ANKRD30A: variants seen among roughly 807,000 people sequenced by gnomAD.
ANKRD30A encodes the protein ankyrin repeat domain-containing protein 30A.
Under a neutral mutation model 166.3 loss-of-function variants are expected in ANKRD30A, and 170 were observed. The ratio of observed to expected loss-of-function variants is 1.02; its 90% CI spans 0.90 to 1.16. The LOEUF (loss-of-function observed/expected upper bound fraction) is 1.16. Among genes scored for constraint, ANKRD30A ranks in the 50% most tolerant of loss-of-function variants. The pLI is 0.00. For missense variants in ANKRD30A, 1,630 were observed against 1,518.0 expected (o/e 1.07, Z -1.23); for synonymous variants, 564 against 508.9 (o/e 1.11, Z -1.46).
chr10:37,127,388 C>T (rs1836111214), intron 1 of ANKRD30A, among the ~76,000 whole-genome samples: 1 of 151,808 alleles, frequency 6.6e-6, no homozygotes, highest in African/African-American at 2.4e-5. Context: ...TTGACAAAAC[C>T]TTTTTAAGAA....
intron 17 of ANKRD30A, among the ~76,000 whole-genome samples, chr10:37,164,862 A>G (rs1416350023): frequency 2.0e-5 from 3 of 152,096 alleles, no homozygotes; most frequent in Non-Finnish European, 4.4e-5. Context: ...CATACAAGTT[A>G]GTCAAATTTC....
chr10:37,190,436 G>A (rs1318699656), intron 25 of ANKRD30A, among the ~76,000 whole-genome samples: 1 of 151,720 alleles, frequency 6.6e-6, no homozygotes, highest in Non-Finnish European at 1.5e-5. Context: ...TTAGTCAGGG[G>A]AGAAGAAGAA....
chr10:37,154,849 T>G (rs570255945), intron 13 of ANKRD30A, among the ~76,000 whole-genome samples: 16 of 152,252 alleles, frequency 1.1e-4, no homozygotes, highest in African/African-American at 3.9e-4. Flanking sequence ...ATCATGAGGA[T>G]TACTAGAATT....
chr10:37,163,193 G>A (rs1433410516), intron 17 of ANKRD30A, among the ~76,000 whole-genome samples: 9 of 130,182 alleles, frequency 6.9e-5, no homozygotes, highest in Non-Finnish European at 1.5e-4. Context: ...CAAATTCCAC[G>A]GTTTACTTCG....
At chr10:37,165,468 G>A (rs1892428) in intron 18 of ANKRD30A, among the ~76,000 whole-genome samples, 1 of 135,674 alleles carries the variant, frequency 7.4e-6, no homozygotes, top group Non-Finnish European at 1.6e-5. Context: ...ACACTGAGTC[G>A]AGCTATGGGC....
At chr10:37,193,152 G>A in intron 26 of ANKRD30A, 34 bp from the exon 27 acceptor site, 2 of 1,608,044 alleles carry the variant, frequency 1.2e-6, no homozygotes, top group Non-Finnish European at 1.7e-6. Context: ...AGTATACATT[G>A]TATATTAATT....
chr10:37,172,484 A>C (rs1248659021), intron 21 of ANKRD30A, among the ~76,000 whole-genome samples: 2 of 137,606 alleles, frequency 1.5e-5, no homozygotes, highest in Non-Finnish European at 3.2e-5. Flanking sequence ...TGAACAAATA[A>C]ATTTGAAACA....
rs902756773 is a variant in ANKRD30A at position 37,152,094 on chromosome 10, C to T, written c.1680C>T (p.Asp560=). Residue 560 remains aspartate, a synonymous_variant, in exon 12 of 36, where the codon GAC becomes GAT. Coordinates refer to ENST00000361713, the MANE Select transcript of ANKRD30A (RefSeq NM_052997.3). ...PMFPPESKQK[D]YEENSWDSES... ...TCCCACCAGAATCCAAACAAAAGGA[C>T]TATGAAGAAAATTCTTGGGATTCTG... is the stretch of plus-strand genomic sequence containing the variant. 1 of 1,609,142 alleles carries T rather than the reference C, an allele frequency of 6.2e-7. No individual in the cohort carries two copies. Among genetic ancestry groups the T allele is most frequent in the Non-Finnish European group, 8.5e-7 (1 of 1,177,182 alleles).
the ANKRD30A span, among the ~76,000 whole-genome samples, chr10:37,258,065 T>A: frequency 6.6e-6 from 1 of 152,176 alleles, no homozygotes; most frequent in Admixed American, 6.5e-5. Flanking sequence ...CAAATCATCA[T>A]GGCACATGTA....
downstream of ANKRD30A, among the ~76,000 whole-genome samples, chr10:37,236,864 G>A (rs1050862117): frequency 1.3e-5 from 2 of 152,114 alleles, no homozygotes; most frequent in African/African-American, 2.4e-5. Context: ...TTCTAAAAAA[G>A]AATTTTCTCA....
At chr10:37,151,531 C>T (rs959836594) in intron 11 of ANKRD30A, among the ~76,000 whole-genome samples, 3 of 151,956 alleles carry the variant, frequency 2.0e-5, no homozygotes, top group African/African-American at 4.8e-5. Context: ...AAAACACACC[C>T]AATACACTGT....
chr10:37,142,422 A>G, intron 7 of ANKRD30A, 132 bp downstream of exon 7: 5 of 792,890 alleles, frequency 6.3e-6, no homozygotes, highest in Non-Finnish European at 7.9e-6. Context: ...ACTTTTTAAT[A>G]GTATAGGAAT....
chr10:37,209,734 C>A (rs1842183607), intron 31 of ANKRD30A, among the ~76,000 whole-genome samples: 1 of 152,034 alleles, frequency 6.6e-6, no homozygotes, highest in African/African-American at 2.4e-5. Flanking sequence ...TTTTCCTGGA[C>A]TTTTCAATGT....
At chr10:37,247,662 G>A in the ANKRD30A span, among the ~76,000 whole-genome samples, 1 of 151,574 alleles carries the variant, frequency 6.6e-6, no homozygotes, top group Non-Finnish European at 1.5e-5. Context: ...ACAAGGTCAG[G>A]GGATCGAGAC....
chr10:37,146,169 A>G (rs1837496032), intron 8 of ANKRD30A, among the ~76,000 whole-genome samples: 1 of 152,248 alleles, frequency 6.6e-6, no homozygotes, highest in Non-Finnish European at 1.5e-5. Flanking sequence ...ACAAAAAAAG[A>G]CTTTCTAATA....
chr10:37,130,288 C>T lies in ANKRD30A; in HGVS notation c.420C>T (p.Asn140=). The T allele has an allele frequency of 6.2e-7, 1 of 1,605,136 alleles. No homozygotes were observed. Among genetic ancestry groups the T allele is most frequent in the Non-Finnish European group, 8.5e-7 (1 of 1,175,930 alleles). Residue 140 remains asparagine, a synonymous_variant, in exon 3 of 36, where the codon AAC becomes AAT. Transcript: ENST00000361713. ...ADINLVDVYG[N]TALHYAVYSE... is the part of the protein sequence containing the mutation. ...TAAATCTCGTAGATGTGTATGGCAACACGGCTCTCCATTATGCTGTTTATA... is the reference window on the plus strand; with the variant it reads ...TAAATCTCGTAGATGTGTATGGCAATACGGCTCTCCATTATGCTGTTTATA...
intron 21 of ANKRD30A, among the ~76,000 whole-genome samples, chr10:37,172,206 G>A (rs1436679467): frequency 7.1e-5 from 7 of 98,490 alleles, no homozygotes; most frequent in African/African-American, 3.1e-4. Context: ...TTAGCCGGAC[G>A]TGGTGGCACG....
intron 17 of ANKRD30A, among the ~76,000 whole-genome samples, chr10:37,164,125 G>C (rs1034123358): frequency 3.4e-5 from 5 of 147,164 alleles, no homozygotes; most frequent in African/African-American, 1.3e-4. Flanking sequence ...ATTTACTTTT[G>C]AAACCAGGTA....
At chr10:37,210,627 T>C (rs1307575349) in intron 31 of ANKRD30A, among the ~76,000 whole-genome samples, 1 of 152,204 alleles carries the variant, frequency 6.6e-6, no homozygotes, top group Admixed American at 6.5e-5. Context: ...CTCCAGCATC[T>C]GTTGTTTCCT....
Sources: allele counts gnomAD v4.1 joint callset (sites outside exome capture counted in the v4.1 genomes callset), GRCh38; gene constraint gnomAD v4.1.1; transcripts MANE v1.5; gene names NCBI Gene and HGNC (gene_info 2026-07-23, HGNC 2026-07-21).